The following SLC7A2 variants were observed in gnomAD, a reference collection of about 807,000 sequenced individuals.
SLC7A2 encodes cationic amino acid transporter 2.
A neutral mutation model predicts 58.9 loss-of-function variants in SLC7A2; 48 were observed. The ratio of observed to expected loss-of-function variants is 0.82; its 90% confidence interval spans 0.65 to 1.04. The LOEUF (loss-of-function observed/expected upper bound fraction) is 1.04, where lower values mean the gene tolerates loss of function less well. Among genes scored for constraint, SLC7A2 ranks in the 50% least tolerant of loss-of-function variants. The probability of loss-of-function intolerance (pLI) is 0.00; values close to 1 mark genes in which losing one functional copy is unlikely to be tolerated. For missense variants in SLC7A2, 1,029 were observed against 818.8 expected (o/e 1.26, Z -3.13); for synonymous variants, 363 against 314.5 (o/e 1.15, Z -1.63).
chr8:17,536,793 G>T (rs1801685018), intron 2 of SLC7A2, among the ~76,000 whole-genome samples: 1 of 152,162 alleles, frequency 6.6e-6, no homozygotes, highest in African/African-American at 2.4e-5. Flanking sequence ...GGAGTAGAGT[G>T]GGGTGAAGCA....
At chr8:17,555,105 T>C in intron 8 of SLC7A2, 1 of 1,612,056 alleles carries the variant, frequency 6.2e-7, no homozygotes, top group Non-Finnish European at 8.5e-7. Flanking sequence ...AACTTAGGTT[T>C]CTTGAGCATT....
intron 2 of SLC7A2, chr8:17,510,582 A>G (rs1055813382): frequency 2.0e-5 from 3 of 152,172 alleles, no homozygotes; most frequent in Non-Finnish European, 2.9e-5. Flanking sequence ...TCTAATGATC[A>G]GTGATGTTGA....
At chr8:17,503,947 T>C (rs1800268563) in intron 2 of SLC7A2, among the ~76,000 whole-genome samples, 1 of 152,152 alleles carries the variant, frequency 6.6e-6, no homozygotes, top group Non-Finnish European at 1.5e-5. Context: ...CCTCCATCCT[T>C]AAGTCCTCAG....
chr8:17,505,218 C>A (rs879735663), intron 2 of SLC7A2, among the ~76,000 whole-genome samples: 2 of 152,118 alleles, frequency 1.3e-5, no homozygotes, highest in Non-Finnish European at 2.9e-5. Flanking sequence ...CACATTCCAA[C>A]CAGTGGGCAA....
At position 17,548,657 on chromosome 8, in the gene SLC7A2, T is replaced by C. The variant is rs1404776224; in HGVS notation, c.533-21T>C. 30 of 1,575,308 alleles carry C rather than the reference T, an allele frequency of 1.9e-5. No individual in the cohort carries two copies. In the East Asian group the frequency reaches 6.5e-4, roughly 34 times the overall value. On this transcript the variant is annotated intron_variant, in intron 4 of 12. Transcript: ENST00000494857. Reference sequence around the variant, plus strand: ...GCCTTTCCTAAAGCTAAATAAAAATTGAAATGCCCTTTTTCCATAGGTCTT... The same window carrying C: ...GCCTTTCCTAAAGCTAAATAAAAATCGAAATGCCCTTTTTCCATAGGTCTT...
chr8:17,563,002 G>A (rs775805361), intron 11 of SLC7A2, among the ~76,000 whole-genome samples: 5 of 152,262 alleles, frequency 3.3e-5, no homozygotes, highest in Middle Eastern at 3.4e-3. Context: ...AATTAGCTGC[G>A]TGTAGTGGCT....
At position 17,543,508 on chromosome 8, in the gene SLC7A2, G is replaced by A; in HGVS notation, c.169G>A (p.Gly57Arg). Residue 57 changes from glycine (G) to arginine (R), a missense_variant, in exon 3 of 13, where the codon GGG (glycine) becomes AGG (arginine). Gly to Arg is a moderately radical substitution (Grantham distance 125, BLOSUM62 -2). Transcript: ENST00000494857. Reference sequence around the variant, plus strand: ...TGGGGCCGGGGTTTATGTCCTCGCTGGGGAGGTGGCCAAGGCAGACTCGGG... The same window carrying A: ...TGGGGCCGGGGTTTATGTCCTCGCTAGGGAGGTGGCCAAGGCAGACTCGGG... ...TLGAGVYVLA[G>R]EVAKADSGPS... 9.9e-6 allele frequency: 16 copies of A among 1,613,964 alleles called. No individual in the cohort carries two copies. Among genetic ancestry groups the A allele is most frequent in the Non-Finnish European group, 1.4e-5 (16 of 1,179,956 alleles).
rs375956168 is a variant in SLC7A2, at chr8:17,563,638, C to G, written c.1707C>G (p.Ile569Met). 21 of 1,613,230 alleles carry G rather than the reference C, an allele frequency of 1.3e-5. No individual in the cohort carries two copies. Among genetic ancestry groups the G allele is most frequent in the Non-Finnish European group, 1.5e-5 (18 of 1,179,410 alleles). The change falls in exon 12 of 13, where the codon ATC (isoleucine) becomes ATG (methionine). Residue 569 changes from isoleucine to methionine, a missense_variant. Coordinates refer to ENST00000494857, the MANE Select transcript of SLC7A2 (RefSeq NM_001370338.1). ...PFLPFLPAFS[I>M]LVNIYLMVQL... Reference sequence around the variant, plus strand: ...TACCATTTTTGCCAGCGTTCAGCATCTTGGTGAACATTTACTTGATGGTCC... The same window carrying G: ...TACCATTTTTGCCAGCGTTCAGCATGTTGGTGAACATTTACTTGATGGTCC...
intron 2 of SLC7A2, among the ~76,000 whole-genome samples, chr8:17,515,999 T>A (rs1800788809): frequency 6.6e-6 from 1 of 152,170 alleles, no homozygotes; most frequent in Non-Finnish European, 1.5e-5. Context: ...TCTTCTGAAG[T>A]AAATACATAG....
upstream of SLC7A2, among the ~76,000 whole-genome samples, chr8:17,494,503 T>G (rs1799913431): frequency 6.6e-6 from 1 of 152,130 alleles, no homozygotes; most frequent in Non-Finnish European, 1.5e-5. Context: ...AGAAGGTGGG[T>G]GCAAATTTTA....
In SLC7A2 at chr8:17,565,183, A is replaced by C. The variant is rs1261488510; in HGVS notation, c.*37A>C. Reference sequence around the variant, plus strand: ...GCAGAGCTGGTCATCGTCTTAGCATACATATCCTACACTGAGTAAACCGTA... The same window carrying C: ...GCAGAGCTGGTCATCGTCTTAGCATCCATATCCTACACTGAGTAAACCGTA... On this transcript the variant is annotated 3_prime_UTR_variant, in exon 13 of 13. Coordinates refer to ENST00000494857, the MANE Select transcript of SLC7A2 (RefSeq NM_001370338.1). 2 of 1,510,016 alleles carry C rather than the reference A, an allele frequency of 1.3e-6. No homozygotes were observed. Among genetic ancestry groups the C allele is most frequent in the South Asian group, 1.2e-5 (1 of 82,754 alleles). 93.5% of individuals were successfully genotyped at this position (1,510,016 alleles called of 1,614,324 possible).
At chr8:17,556,942 A>G (rs538828245) in intron 8 of SLC7A2, among the ~76,000 whole-genome samples, 1 of 152,098 alleles carries the variant, frequency 6.6e-6, no homozygotes, top group Non-Finnish European at 1.5e-5. Context: ...CAGTGTGTTA[A>G]AAGAAACACT....
rs1176817109 is a variant in SLC7A2, at chr8:17,566,211, C to G, written c.*1065C>G. ...ATCACAGTTTAGTTTTTTTCTTAAC[C>G]TCGTCAGGCCCAGAGTTCACTTCTT... On this transcript the variant is annotated 3_prime_UTR_variant, in exon 13 of 13. Coordinates refer to ENST00000494857, the MANE Select transcript of SLC7A2 (RefSeq NM_001370338.1). 6.6e-6 allele frequency: 1 copy of G among 152,108 alleles called. No homozygotes were observed. The highest frequency in any genetic ancestry group is 1.5e-5 in the Non-Finnish European group (1 of 68,016). 9.4% of individuals were successfully genotyped at this position (152,108 alleles called of 1,614,324 possible).
intron 2 of SLC7A2, among the ~76,000 whole-genome samples, chr8:17,542,155 A>G (rs1351952913): frequency 1.3e-5 from 2 of 152,216 alleles, no homozygotes; most frequent in East Asian, 1.9e-4. Context: ...AAAATTCTAA[A>G]AAGTTCACAT....
intron 2 of SLC7A2, among the ~76,000 whole-genome samples, chr8:17,528,880 C>T (rs1801326135): frequency 6.6e-6 from 1 of 152,040 alleles, no homozygotes; most frequent in Non-Finnish European, 1.5e-5. Context: ...TTGAGAGCTG[C>T]ATAAGGAGAA....
intron 2 of SLC7A2, among the ~76,000 whole-genome samples, chr8:17,529,450 A>T (rs1426858735): frequency 6.6e-6 from 1 of 152,096 alleles, no homozygotes; most frequent in Non-Finnish European, 1.5e-5. Flanking sequence ...ACATTGTATA[A>T]GCAAGTGTCA....
chr8:17,510,024 A>C (rs1422459518), intron 2 of SLC7A2, among the ~76,000 whole-genome samples: 1 of 152,060 alleles, frequency 6.6e-6, no homozygotes, highest in African/African-American at 2.4e-5. Flanking sequence ...GTTTGAGACC[A>C]GCCTGAACAA....
At chr8:17,529,424 G>T (rs770631552) in intron 2 of SLC7A2, among the ~76,000 whole-genome samples, 4 of 152,302 alleles carry the variant, frequency 2.6e-5, no homozygotes, top group Middle Eastern at 3.4e-3. Context: ...CATTGGGGAT[G>T]GGGGAGCAAG....
At chr8:17,506,802 G>A (rs938385531) in intron 2 of SLC7A2, among the ~76,000 whole-genome samples, 1 of 151,344 alleles carries the variant, frequency 6.6e-6, no homozygotes, top group Admixed American at 6.6e-5. Flanking sequence ...CCTGTCTGGA[G>A]TGCAGTGGCG....
Sources: gnomAD v4.1 joint callset for allele counts (sites outside exome capture counted in the v4.1 genomes callset) on GRCh38, gnomAD v4.1.1 for gene constraint, MANE v1.5 for transcripts, NCBI Gene and HGNC (gene_info 2026-07-23, HGNC 2026-07-21) for gene names.